Variants in ZDHHC2 observed in about 807,000 individuals in gnomAD.
The protein encoded by ZDHHC2 is zDHHC palmitoyltransferase 2.
Under a neutral mutation model 55.6 loss-of-function variants are expected in ZDHHC2, and 51 were observed. The observed-to-expected ratio is 0.92, with a 90% confidence interval of 0.73 to 1.16. The LOEUF is 1.16. Among genes scored for constraint, ZDHHC2 ranks in the 50% most tolerant of loss-of-function variants. The probability of loss-of-function intolerance (pLI) is 0.00; values close to 1 mark genes in which losing one functional copy is unlikely to be tolerated. For synonymous variants in ZDHHC2, 199 were observed against 152.9 expected, an observed-to-expected ratio of 1.30 and a Z score of -2.22; for missense variants, 491 against 442.4, an observed-to-expected ratio of 1.11 and a Z score of -0.99.
At chr8:17,220,210 G>C (rs1411147765) in intron 12 of ZDHHC2, 46 bp from the exon 13 acceptor site, 1 of 152,190 alleles carries the variant, frequency 6.6e-6, no homozygotes, top group Non-Finnish European at 1.5e-5. Context: ...TGTTTTGCGT[G>C]TTTATGGTTA....
chr8:17,202,587 A>G (rs1806846164), intron 6 of ZDHHC2, among the ~76,000 whole-genome samples: 1 of 152,196 alleles, frequency 6.6e-6, no homozygotes, highest in African/African-American at 2.4e-5. Flanking sequence ...ATGGAGAAAT[A>G]GATTCAGAAT....
rs2517070 is a variant in ZDHHC2, at chr8:17,169,629, C to G, written c.130+12776C>G. 1.4e-4 allele frequency among the ~76,000 whole-genome samples: 21 copies of G among 152,260 alleles called. No individual in the cohort carries two copies. In the East Asian group the frequency reaches 3.9e-3, roughly 28 times the overall value. ...CATGGTGTCAATCATGAACTCGATTCTGATCCGCAGCACAGGGACTGAACA... is the reference window on the plus strand; with the variant it reads ...CATGGTGTCAATCATGAACTCGATTGTGATCCGCAGCACAGGGACTGAACA... On this transcript the variant is annotated intron_variant, in intron 1 of 12. Coordinates refer to ENST00000262096, the MANE Select transcript of ZDHHC2 (RefSeq NM_016353.5).
At position 17,156,865 on chromosome 8, in the gene ZDHHC2, C is replaced by T; in HGVS notation, c.130+12C>T. 2.0e-6 allele frequency: 3 copies of T among 1,489,454 alleles called. No homozygotes were observed. Among genetic ancestry groups the T allele is most frequent in the Non-Finnish European group, 2.7e-6 (3 of 1,118,726 alleles). The allele number at this position is 1,489,454 out of a possible 1,614,324, so 92.3% of individuals were successfully genotyped here. ...CCAGCTGTGCATAGGTGAGTGCGCC[C>T]CCCGCCGCGGCGCCCCCAGCGCAGC... On this transcript the variant is annotated intron_variant, in intron 1 of 12. Transcript: ENST00000262096.
chr8:17,156,892 C>T (rs1804081075), intron 1 of ZDHHC2, 39 bp downstream of exon 1: 3 of 1,470,012 alleles, frequency 2.0e-6, no homozygotes, highest in Non-Finnish European at 2.7e-6. Context: ...CAGCGCAGCG[C>T]AGCCCACCCC....
chr8:17,217,166 A>C lies in ZDHHC2; in HGVS notation c.1064-6A>C, dbSNP rs1395472467. 3 of 1,610,774 alleles carry C rather than the reference A, an allele frequency of 1.9e-6. No individual in the cohort carries two copies. The East Asian group carries it at 6.7e-5, about 36-fold the overall frequency. ...CAAAAATGCTAACTTATGTGCTTTC[A>C]TTAAGGTATGAGCAATCCTGCATTA... On this transcript the variant is annotated splice_polypyrimidine_tract_variant and splice_region_variant and intron_variant, in intron 11 of 12. Transcript: ENST00000262096.
rs772050444 is a variant in ZDHHC2 at position 17,215,279 on chromosome 8, C to A, written c.993C>A (p.Ser331=). 6.2e-7 allele frequency: 1 copy of A among 1,602,126 alleles called. No homozygotes were observed. The highest frequency in any genetic ancestry group is 1.7e-5 in the Admixed American group (1 of 58,504). Residue 331 remains serine (S), a synonymous_variant, in exon 11 of 13, where the codon TCC becomes TCA. Coordinates refer to ENST00000262096, the MANE Select transcript of ZDHHC2 (RefSeq NM_016353.5). ...HQFPAKPLRE[S]QSHLLTDSQS... ...TTCCTGCAAAGCCATTGAGAGAGTC[C>A]CAGAGCCACCTTCTTACTGATTCTC...
At chr8:17,215,148 G>A in intron 10 of ZDHHC2, 89 bp from the exon 11 acceptor site, 1 of 1,101,794 alleles carries the variant, frequency 9.1e-7, no homozygotes, top group African/African-American at 1.6e-5. Flanking sequence ...CATTGCAAGT[G>A]GTTTTGGTTC....
chr8:17,205,507 G>A (rs1188752592), intron 6 of ZDHHC2, 148 bp from the exon 7 acceptor site: 18 of 867,766 alleles, frequency 2.1e-5, no homozygotes, highest in Non-Finnish European at 3.0e-5. Flanking sequence ...ATTTTTACAT[G>A]ATTGTATGCA....
In ZDHHC2 at chr8:17,156,659, C is replaced by G; in HGVS notation, c.-65C>G. The G allele has an allele frequency of 1.7e-6, 2 of 1,175,544 alleles. No homozygotes were observed. The highest frequency in any genetic ancestry group is 2.1e-6 in the Non-Finnish European group (2 of 954,368). The allele number at this position is 1,175,544 out of a possible 1,614,324, so 72.8% of individuals were successfully genotyped here. A position where few individuals can be genotyped will look rare whatever the true frequency, so the allele number is the denominator to read the frequency against. The stretch of plus-strand genomic sequence containing the variant: ...GTCCAGCCAGGGGTGCCGGGCCCGC[C>G]CAGCCCGCCCCGGAGCCAGGCCCGC... On this transcript the variant is annotated 5_prime_UTR_variant, in exon 1 of 13. Transcript: ENST00000262096.
At chr8:17,176,802 A>T (rs1805155315) in intron 1 of ZDHHC2, among the ~76,000 whole-genome samples, 1 of 152,158 alleles carries the variant, frequency 6.6e-6, no homozygotes, top group Non-Finnish European at 1.5e-5. Flanking sequence ...TCACAATGAC[A>T]TATAAGGACA....
chr8:17,210,366 T>C (rs774708031), intron 9 of ZDHHC2, 22 bp from the exon 10 acceptor site: 1 of 1,604,508 alleles, frequency 6.2e-7, no homozygotes, highest in South Asian at 1.1e-5. Flanking sequence ...GGTTCAGTTC[T>C]AAATTTTTAT....
intron 1 of ZDHHC2, among the ~76,000 whole-genome samples, chr8:17,163,589 T>C (rs1245698492): frequency 6.6e-6 from 1 of 152,242 alleles, no homozygotes; most frequent in Non-Finnish European, 1.5e-5. Flanking sequence ...TCATAATTTA[T>C]ACTGCTGATT....
intron 6 of ZDHHC2, among the ~76,000 whole-genome samples, chr8:17,198,942 A>G (rs1806468195): frequency 6.6e-6 from 1 of 152,202 alleles, no homozygotes; most frequent in Non-Finnish European, 1.5e-5. Flanking sequence ...GAAATCAGGT[A>G]ATTTAACAGA....
intron 1 of ZDHHC2, among the ~76,000 whole-genome samples, chr8:17,163,467 G>A (rs1272635213): frequency 3.3e-5 from 5 of 152,152 alleles, no homozygotes; most frequent in Non-Finnish European, 7.3e-5. Flanking sequence ...GGGGCGAGGG[G>A]TTCTCCATGA....
At chr8:17,202,073 A>G (rs1806812851) in intron 6 of ZDHHC2, among the ~76,000 whole-genome samples, 2 of 152,198 alleles carry the variant, frequency 1.3e-5, no homozygotes, top group African/African-American at 4.8e-5. Flanking sequence ...ACTTCATATT[A>G]ATAATACTTT....
In ZDHHC2 at chr8:17,224,591, CAATT is replaced by C. The variant is rs1808048409; in HGVS notation, c.*4371_*4374del. 1 of 150,184 alleles carries C rather than the reference CAATT, an allele frequency of 6.7e-6. No homozygotes were observed. Among genetic ancestry groups the C allele is most frequent in the Admixed American group, 6.6e-5 (1 of 15,092 alleles). The allele number at this position is 150,184 out of a possible 1,614,324, so 9.3% of individuals were successfully genotyped here. A position where few individuals can be genotyped will look rare whatever the true frequency, so the allele number is the denominator to read the frequency against. ...TGTTTGATTGATAAAGGTGCTTAAT[CAATT>C]GAAAAAAAAACGCATAATGCTTCAA... On this transcript the variant is annotated 3_prime_UTR_variant, in exon 13 of 13. Transcript: ENST00000262096.
intron 12 of ZDHHC2, 55 bp downstream of exon 12, chr8:17,217,301 T>C (rs964803477): frequency 1.6e-6 from 2 of 1,213,320 alleles, no homozygotes; most frequent in Admixed American, 2.5e-5. Flanking sequence ...CTAATTTTAT[T>C]AGGGCAAATA....
intron 1 of ZDHHC2, among the ~76,000 whole-genome samples, chr8:17,159,561 A>G (rs1032060744): frequency 4.6e-5 from 7 of 152,190 alleles, no homozygotes; most frequent in South Asian, 4.1e-4. Flanking sequence ...GTTAGTTTCT[A>G]TATTTAACAA....
chr8:17,178,176 T>G (rs1805244893), intron 1 of ZDHHC2, among the ~76,000 whole-genome samples: 1 of 152,162 alleles, frequency 6.6e-6, no homozygotes, highest in Non-Finnish European at 1.5e-5. Flanking sequence ...TTACCATCAG[T>G]TTACTAGGCT....
Sources: gnomAD v4.1 joint callset for allele counts (sites outside exome capture counted in the v4.1 genomes callset) on GRCh38, gnomAD v4.1.1 for gene constraint, MANE v1.5 for transcripts, NCBI Gene and HGNC (gene_info 2026-07-23, HGNC 2026-07-21) for gene names.